DTD1: variants seen among roughly 807,000 people sequenced by gnomAD.
DTD1 encodes D-aminoacyl-tRNA deacylase 1, also known as D-tyrosyl-tRNA deacylase 1 homolog.
In DTD1, 13 loss-of-function variants were observed where a neutral mutation model predicts 25.6. That is an observed-to-expected ratio of 0.51 (90% CI 0.33 to 0.81). The LOEUF is 0.81. DTD1 is among the 30% of genes least tolerant of loss of function. The probability of loss-of-function intolerance (pLI) is 0.02; values close to 1 mark genes in which losing one functional copy is unlikely to be tolerated. For synonymous variants in DTD1, 110 were observed against 103.6 expected (o/e 1.06, Z -0.37); for missense variants, 193 against 266.4 (o/e 0.72, Z 1.92).
chr20:18,732,064 T>G (rs182403845), intron 4 of DTD1, among the ~76,000 whole-genome samples: 1 of 152,370 alleles, frequency 6.6e-6, no homozygotes, highest in Admixed American at 6.5e-5. Flanking sequence ...CTACTGCTCT[T>G]CTAGGTTCCA....
rs540513746 is a variant in DTD1 at position 18,601,268 on chromosome 20, G to T, written c.370+5027G>T. Among the ~76,000 whole-genome samples the T allele has an allele frequency of 5.8e-4, 89 of 152,262 alleles. No individual in the cohort carries two copies. In the Middle Eastern group the frequency reaches 0.014, roughly 23 times the overall value. On this transcript the variant is annotated intron_variant, in intron 3 of 5. Transcript: ENST00000377452. ...TAATCCCAGCGCTTTGGGAAGCCGAGGAGGTCAGATCATTTGAAGTCAGGA... is the reference window on the plus strand; with the variant it reads ...TAATCCCAGCGCTTTGGGAAGCCGATGAGGTCAGATCATTTGAAGTCAGGA...
intron 4 of DTD1, among the ~76,000 whole-genome samples, chr20:18,665,557 T>A (rs1398723934): frequency 2.0e-5 from 3 of 152,252 alleles, no homozygotes; most frequent in Non-Finnish European, 2.9e-5. Context: ...ATATTCTTAG[T>A]TTGAATGGTG....
intron 4 of DTD1, chr20:18,631,576 A>G (rs2060787719): frequency 1.0e-6 from 1 of 985,292 alleles, no homozygotes; most frequent in Non-Finnish European, 1.2e-6. Flanking sequence ...GGGTCTGTAA[A>G]GGTTCTCACC....
chr20:18,727,501 G>A (rs1441141487), intron 4 of DTD1, among the ~76,000 whole-genome samples: 2 of 152,194 alleles, frequency 1.3e-5, no homozygotes, highest in Admixed American at 1.3e-4. Flanking sequence ...TGAAGGAGAG[G>A]GCGGCCCTGG....
intron 4 of DTD1, among the ~76,000 whole-genome samples, chr20:18,700,836 GAGGA>G (rs1000868965): frequency 3.9e-5 from 6 of 152,174 alleles, no homozygotes; most frequent in African/African-American, 1.4e-4. Flanking sequence ...GGGACCTTGG[GAGGA>G]AGGAAGGCTT....
At chr20:18,666,222 T>G (rs549056783) in intron 4 of DTD1, among the ~76,000 whole-genome samples, 4 of 152,348 alleles carry the variant, frequency 2.6e-5, no homozygotes, top group African/African-American at 9.6e-5. Flanking sequence ...TCTGGGTTTT[T>G]GGGATGAGTA....
In DTD1 at chr20:18,589,556, T is replaced by C. The variant is rs116163730; in HGVS notation, c.43+1441T>C. On this transcript the variant is annotated intron_variant, in intron 1 of 5. Transcript: ENST00000377452. ...GGAATAATAGGGAATAGAGTAGCAC[T>C]GGGATTTAGGAATTTTAAAGCTTTT... Among the ~76,000 whole-genome samples the C allele has an allele frequency of 3.7e-3, 569 of 152,318 alleles. 2 individuals carry two copies. The highest frequency in any genetic ancestry group is 0.013 in the African/African-American group (533 of 41,564).
intron 4 of DTD1, among the ~76,000 whole-genome samples, chr20:18,637,465 G>T (rs1447054813): frequency 6.6e-6 from 1 of 152,220 alleles, no homozygotes; most frequent in Non-Finnish European, 1.5e-5. Context: ...TTTCCTAGGA[G>T]AGATGAGCCC....
chr20:18,687,330 T>A (rs1179616278), intron 4 of DTD1, among the ~76,000 whole-genome samples: 1 of 151,968 alleles, frequency 6.6e-6, no homozygotes, highest in Admixed American at 6.6e-5. Flanking sequence ...TGAGGGGGTG[T>A]CAGGACCAGG....
In DTD1 at chr20:18,708,323, T is replaced by TATATATATA. The variant is rs1335208765; in HGVS notation, c.478-35776_478-35768dup. Among the ~76,000 whole-genome samples, 31 of 42,442 alleles carry TATATATATA rather than the reference T, an allele frequency of 7.3e-4. 1 individual carries two copies. Among genetic ancestry groups the TATATATATA allele is most frequent in the African/African-American group, 9.4e-4 (12 of 12,796 alleles). The allele number at this position is 42,442 out of a possible 152,430, so 27.8% of individuals were successfully genotyped here. A position where few individuals can be genotyped will look rare whatever the true frequency, so the allele number is the denominator to read the frequency against. On this transcript the variant is annotated intron_variant, in intron 4 of 5. Coordinates refer to ENST00000377452, the MANE Select transcript of DTD1 (RefSeq NM_080820.6). ...ATATATATATTTTATATATATATTA[T>TATATATATA]ATATATATATTTTATATATATATTA...
At chr20:18,640,596 A>T (rs970250671) in intron 4 of DTD1, among the ~76,000 whole-genome samples, 1 of 149,718 alleles carries the variant, frequency 6.7e-6, no homozygotes, top group Non-Finnish European at 1.5e-5. Context: ...TCACATTGTT[A>T]TGCAACTTTT....
chr20:18,646,402 C>G (rs2060850631), intron 4 of DTD1, among the ~76,000 whole-genome samples: 1 of 152,140 alleles, frequency 6.6e-6, no homozygotes, highest in South Asian at 2.1e-4. Flanking sequence ...ACCATTCACC[C>G]CATCTGTCTC....
intron 4 of DTD1, among the ~76,000 whole-genome samples, chr20:18,648,744 T>G (rs560413681): frequency 2.6e-4 from 40 of 152,072 alleles, no homozygotes; most frequent in Non-Finnish European, 5.1e-4. Context: ...GTGCCAGTTT[T>G]AAATGAAAAT....
At chr20:18,667,466 G>A (rs958900798) in intron 4 of DTD1, among the ~76,000 whole-genome samples, 2 of 152,150 alleles carry the variant, frequency 1.3e-5, no homozygotes, top group African/African-American at 4.8e-5. Context: ...TTTGGGACTC[G>A]GGAACCAAAT....
chr20:18,630,947 A>G (rs2060785170), intron 4 of DTD1: 1 of 409,878 alleles, frequency 2.4e-6, no homozygotes, highest in Non-Finnish European at 3.3e-6. Flanking sequence ...TCCTACCAGG[A>G]GGTATGTGGT....
intron 4 of DTD1, among the ~76,000 whole-genome samples, chr20:18,732,812 C>A (rs190485796): frequency 7.9e-4 from 120 of 152,340 alleles, no homozygotes; most frequent in Admixed American, 1.6e-3. Context: ...CTTACTTGAT[C>A]ATTCCTTCTC....
chr20:18,671,144 C>T (rs1278248979), intron 4 of DTD1, among the ~76,000 whole-genome samples: 1 of 152,168 alleles, frequency 6.6e-6, no homozygotes, highest in Non-Finnish European at 1.5e-5. Context: ...AGAAAGGCTG[C>T]CACTTCACAT....
intron 1 of DTD1, among the ~76,000 whole-genome samples, chr20:18,590,647 A>C (rs964790501): frequency 6.6e-5 from 10 of 151,788 alleles, no homozygotes; most frequent in Non-Finnish European, 1.0e-4. Context: ...ATTTTTTTGT[A>C]TTTTTAGTGG....
intron 3 of DTD1, among the ~76,000 whole-genome samples, chr20:18,602,167 G>A (rs1054217980): frequency 1.5e-5 from 2 of 129,978 alleles, no homozygotes; most frequent in African/African-American, 5.7e-5. Flanking sequence ...TAGAAGAAAG[G>A]GTATCAGCAA....
Sources: allele counts gnomAD v4.1 joint callset (sites outside exome capture counted in the v4.1 genomes callset), GRCh38; gene constraint gnomAD v4.1.1; transcripts MANE v1.5; gene names NCBI Gene and HGNC (gene_info 2026-07-23, HGNC 2026-07-21).